HEMK2: variants seen among roughly 807,000 people sequenced by gnomAD.
HEMK2 encodes HemK methyltransferase 2, ETF1 glutamine and histone H4 lysine, also known as methyltransferase HEMK2.
chr21:28,755,963 A>C, the HEMK2 span, among the ~76,000 whole-genome samples: 1 of 152,214 alleles, frequency 6.6e-6, no homozygotes, highest in South Asian at 2.1e-4. Context: ...AAACATTAAA[A>C]TATATGTGTG....
At chr21:28,827,162 C>A in the HEMK2 span, among the ~76,000 whole-genome samples, 1 of 152,254 alleles carries the variant, frequency 6.6e-6, no homozygotes, top group African/African-American at 2.4e-5. Context: ...AATGGAACTG[C>A]TTTATAGGTA....
the HEMK2 span, among the ~76,000 whole-genome samples, chr21:28,797,762 C>T: frequency 6.6e-6 from 1 of 152,126 alleles, no homozygotes; most frequent in Non-Finnish European, 1.5e-5. Flanking sequence ...GGAAAACTAG[C>T]TTGTGTAAAA....
chr21:28,606,964 T>C, the HEMK2 span, among the ~76,000 whole-genome samples: 3 of 152,218 alleles, frequency 2.0e-5, no homozygotes, highest in African/African-American at 7.2e-5. Context: ...ACATATTTAT[T>C]GAACAGCAAG....
At chr21:28,817,900 A>G in the HEMK2 span, among the ~76,000 whole-genome samples, 2 of 152,142 alleles carry the variant, frequency 1.3e-5, no homozygotes, top group African/African-American at 4.8e-5. Flanking sequence ...GTTAAAATGG[A>G]ATTAATAAAA....
At chr21:28,641,071 A>T in the HEMK2 span, among the ~76,000 whole-genome samples, 2 of 152,154 alleles carry the variant, frequency 1.3e-5, no homozygotes, top group African/African-American at 4.8e-5. Context: ...TTTTCTTTCT[A>T]TTCCTTTTTT....
At chr21:28,769,165 G>C in the HEMK2 span, among the ~76,000 whole-genome samples, 1 of 152,092 alleles carries the variant, frequency 6.6e-6, no homozygotes, top group Non-Finnish European at 1.5e-5. Context: ...GCTGACAGGA[G>C]ATCTCTCCAG....
At chr21:28,632,107 T>C in the HEMK2 span, among the ~76,000 whole-genome samples, 1 of 152,236 alleles carries the variant, frequency 6.6e-6, no homozygotes, top group Non-Finnish European at 1.5e-5. Flanking sequence ...GAAAGTTTGT[T>C]AAAACAATGA....
chr21:28,712,796 T>C, the HEMK2 span, among the ~76,000 whole-genome samples: 24 of 152,304 alleles, frequency 1.6e-4, no homozygotes, highest in Middle Eastern at 3.4e-3. Context: ...AGAAAGCATA[T>C]GAAATTGGTT....
chr21:28,823,856 AAAG>A, the HEMK2 span, among the ~76,000 whole-genome samples: 1 of 152,150 alleles, frequency 6.6e-6, no homozygotes, highest in East Asian at 1.9e-4. Flanking sequence ...GTGAAAAAAA[AAAG>A]AAGTCACAGT....
the HEMK2 span, among the ~76,000 whole-genome samples, chr21:28,879,035 TATA>T: frequency 2.0e-5 from 3 of 148,710 alleles, no homozygotes; most frequent in African/African-American, 7.3e-5. Flanking sequence ...CAGGAGTTTA[TATA>T]ATATTAAAAA....
At chr21:28,822,068 T>G in the HEMK2 span, among the ~76,000 whole-genome samples, 1 of 152,212 alleles carries the variant, frequency 6.6e-6, no homozygotes, top group Non-Finnish European at 1.5e-5. Flanking sequence ...TACTCTATCA[T>G]GTAGAATATT....
the HEMK2 span, among the ~76,000 whole-genome samples, chr21:28,665,699 C>T: frequency 6.6e-6 from 1 of 151,114 alleles, no homozygotes; most frequent in East Asian, 2.0e-4. Flanking sequence ...GGATCTAGAA[C>T]TAGAAATACC....
At chr21:28,842,100 G>T in the HEMK2 span, among the ~76,000 whole-genome samples, 1 of 152,104 alleles carries the variant, frequency 6.6e-6, no homozygotes, top group South Asian at 2.1e-4. Context: ...CTGAACCTGG[G>T]GTGGTCTTAG....
At chr21:28,831,662 A>G in the HEMK2 span, among the ~76,000 whole-genome samples, 31 of 54,378 alleles carry the variant, frequency 5.7e-4, no homozygotes, top group African/African-American at 2.3e-3. Context: ...AAAGAAAGAA[A>G]GAAAGAAAGA....
the HEMK2 span, among the ~76,000 whole-genome samples, chr21:28,697,778 C>CAAAAAAAAAAAAAAAAA: frequency 1.3e-5 from 1 of 79,554 alleles, no homozygotes; most frequent in African/African-American, 5.9e-5. Flanking sequence ...ATCATGAGCC[C>CAAAAAAAAAAAAAAAAA]AAAAAAAAAA....
chr21:28,714,399 C>T, the HEMK2 span, among the ~76,000 whole-genome samples: 1 of 152,286 alleles, frequency 6.6e-6, no homozygotes, highest in Admixed American at 6.5e-5. Context: ...CAAAATATCA[C>T]TATCTTCCTA....
the HEMK2 span, among the ~76,000 whole-genome samples, chr21:28,589,837 G>T: frequency 6.6e-6 from 1 of 152,148 alleles, no homozygotes; most frequent in Non-Finnish European, 1.5e-5. Context: ...TGGAGAACAT[G>T]ATGTCACAAG....
chr21:28,876,477 T>C, the HEMK2 span: 5 of 1,603,714 alleles, frequency 3.1e-6, no homozygotes, highest in Non-Finnish European at 3.4e-6. Context: ...GTCTTCATTA[T>C]TTTCAAAATT....
At chr21:28,606,218 G>C in the HEMK2 span, among the ~76,000 whole-genome samples, 101 of 149,158 alleles carry the variant, frequency 6.8e-4, no homozygotes, top group African/African-American at 2.4e-3. Context: ...TTTTGGGCAG[G>C]ATTTCTAAAA....
Sources: gnomAD v4.1 joint callset for allele counts (sites outside exome capture counted in the v4.1 genomes callset) on GRCh38, gnomAD v4.1.1 for gene constraint, MANE v1.5 for transcripts, NCBI Gene and HGNC (gene_info 2026-07-23, HGNC 2026-07-21) for gene names.